The following TTC6 variants were observed in gnomAD, a reference collection of about 807,000 sequenced individuals.
TTC6 encodes the protein tetratricopeptide repeat domain 6.
TTC6 carries 172 observed loss-of-function variants against 210.4 expected under a neutral mutation model. That is an observed-to-expected ratio of 0.82 (90% confidence interval 0.72 to 0.93). The LOEUF is 0.93. Among genes scored for constraint, TTC6 ranks in the 40% least tolerant of loss-of-function variants. The probability of loss-of-function intolerance (pLI) is 0.00; values close to 1 mark genes in which losing one functional copy is unlikely to be tolerated. For synonymous variants in TTC6, 804 were observed against 819.6 expected, an observed-to-expected ratio of 0.98 and a Z score of 0.32; for missense variants, 2,414 against 2,318.1, an observed-to-expected ratio of 1.04 and a Z score of -0.85.
intron 10 of TTC6, among the ~76,000 whole-genome samples, chr14:37,744,147 C>G (rs2138983866): frequency 6.6e-6 from 1 of 152,226 alleles, no homozygotes; most frequent in South Asian, 2.1e-4. Flanking sequence ...AGTAGGAATT[C>G]AGCAACAATT....
chr14:37,753,359 C>T (rs533239138), intron 14 of TTC6, 124 bp downstream of exon 16: 1 of 811,932 alleles, frequency 1.2e-6, no homozygotes, highest in Non-Finnish European at 1.8e-6. Context: ...TTTTCAGTGC[C>T]ACCAGTAAAT....
At chr14:37,773,701 G>C (rs1255809566) in intron 14 of TTC6, among the ~76,000 whole-genome samples, 1 of 152,138 alleles carries the variant, frequency 6.6e-6, no homozygotes, top group Non-Finnish European at 1.5e-5. Flanking sequence ...AATGCCTCCA[G>C]CTTTGTTCCT....
chr14:37,727,146 CAT>C (rs1405311014), intron 7 of TTC6, among the ~76,000 whole-genome samples: 4 of 151,924 alleles, frequency 2.6e-5, no homozygotes, highest in Non-Finnish European at 5.9e-5. Context: ...CAGAAAAACA[CAT>C]GAGTTTAACC....
At chr14:37,705,149 G>T (rs575397403) in intron 5 of TTC6, among the ~76,000 whole-genome samples, 2 of 152,130 alleles carry the variant, frequency 1.3e-5, no homozygotes, top group South Asian at 4.1e-4. Context: ...CCTGCGCAGT[G>T]AGCAATGCCA....
At chr14:37,682,844 A>C in exon 3 of TTC6, 1 of 1,535,718 alleles carries the variant, frequency 6.5e-7, no homozygotes, top group Non-Finnish European at 8.7e-7. Flanking sequence ...CAGAAGCAGA[A>C]AGCATAGTAT....
At chr14:37,721,705 T>A in intron 6 of TTC6, among the ~76,000 whole-genome samples, 1 of 151,920 alleles carries the variant, frequency 6.6e-6, no homozygotes, top group Middle Eastern at 3.4e-3. Context: ...GCCACGGATA[T>A]ATTTTGTTTG....
At chr14:37,701,844 C>A (rs536738950) in intron 5 of TTC6, among the ~76,000 whole-genome samples, 3 of 152,210 alleles carry the variant, frequency 2.0e-5, no homozygotes, top group South Asian at 4.1e-4. Flanking sequence ...AAAATTTAAG[C>A]AATTAGCTAC....
chr14:37,743,772 C>T (rs1398505169), intron 10 of TTC6, among the ~76,000 whole-genome samples: 1 of 152,210 alleles, frequency 6.6e-6, no homozygotes, highest in Non-Finnish European at 1.5e-5. Flanking sequence ...ACTTCCTCCT[C>T]ATTCTTGCCT....
At chr14:37,785,351 C>G (rs1566952942) in intron 14 of TTC6, among the ~76,000 whole-genome samples, 1 of 151,772 alleles carries the variant, frequency 6.6e-6, no homozygotes, top group Non-Finnish European at 1.5e-5. Flanking sequence ...AAACTTTTCA[C>G]TTCATTTCAT....
At chr14:37,756,514 A>G (rs1484659270) in intron 14 of TTC6, among the ~76,000 whole-genome samples, 1 of 152,182 alleles carries the variant, frequency 6.6e-6, no homozygotes, top group Non-Finnish European at 1.5e-5. Context: ...TATTTTGAAT[A>G]CATTCCTTCA....
chr14:37,704,967 T>C (rs1031263033), intron 5 of TTC6, among the ~76,000 whole-genome samples: 18 of 152,270 alleles, frequency 1.2e-4, no homozygotes, highest in African/African-American at 4.1e-4. Context: ...TACCTTAAAT[T>C]CCAACATGTT....
At chr14:37,618,868 T>C (rs1217772938), upstream of TTC6, among the ~76,000 whole-genome samples, 1 of 152,080 alleles carries the variant, frequency 6.6e-6, no homozygotes, top group African/African-American at 2.4e-5. Flanking sequence ...CTGGGAGAAG[T>C]GGGAAAGCAG....
At chr14:37,658,909 C>T (rs1476256867) in intron 1 of TTC6, among the ~76,000 whole-genome samples, 1 of 151,976 alleles carries the variant, frequency 6.6e-6, no homozygotes, top group African/African-American at 2.4e-5. Flanking sequence ...TTTTTTTCTG[C>T]TCCTCTCCCT....
chr14:37,769,595 T>C (rs2096011208), intron 14 of TTC6, among the ~76,000 whole-genome samples: 1 of 152,198 alleles, frequency 6.6e-6, no homozygotes, highest in Non-Finnish European at 1.5e-5. Context: ...TCTGTAGAGG[T>C]ATTTGTAGTA....
At chr14:37,625,692 C>T (rs908999392) in intron 1 of TTC6, among the ~76,000 whole-genome samples, 1 of 151,942 alleles carries the variant, frequency 6.6e-6, no homozygotes, top group Non-Finnish European at 1.5e-5. Flanking sequence ...CCAGGAAAAA[C>T]AAGGAACATG....
chr14:37,807,321 C>T, exon 23 of TTC6: 2 of 1,520,596 alleles, frequency 1.3e-6, no homozygotes, highest in African/African-American at 1.4e-5. Flanking sequence ...TCTGAATAGG[C>T]ATATTTAAGC....
intron 1 of TTC6, among the ~76,000 whole-genome samples, chr14:37,634,978 C>G (rs1595041991): frequency 6.6e-6 from 1 of 152,116 alleles, no homozygotes; most frequent in East Asian, 1.9e-4. Flanking sequence ...AAAGGAAGTT[C>G]TCTAAACAGA....
At chr14:37,751,657 C>T (rs1030098998) in intron 13 of TTC6, among the ~76,000 whole-genome samples, 14 of 152,064 alleles carry the variant, frequency 9.2e-5, no homozygotes, top group Non-Finnish European at 1.6e-4. Flanking sequence ...CTTACTGGTT[C>T]GTTCATACGT....
chr14:37,760,889 C>T (rs922731685), intron 14 of TTC6, among the ~76,000 whole-genome samples: 4 of 152,146 alleles, frequency 2.6e-5, no homozygotes, highest in South Asian at 2.1e-4. Flanking sequence ...CATCCCAGGT[C>T]GACTTCAGAC....
Sources: gnomAD v4.1 joint callset for allele counts (sites outside exome capture counted in the v4.1 genomes callset) on GRCh38, gnomAD v4.1.1 for gene constraint, MANE v1.5 for transcripts, NCBI Gene and HGNC (gene_info 2026-07-23, HGNC 2026-07-21) for gene names.